Variants in CYRIA observed in about 807,000 individuals in gnomAD.
The protein encoded by CYRIA is CYFIP related Rac1 interactor A.
In CYRIA, 15 loss-of-function variants were observed where a neutral mutation model predicts 43.9. That is an observed-to-expected ratio of 0.34 (90% CI 0.23 to 0.53). The LOEUF (loss-of-function observed/expected upper bound fraction) is 0.53. CYRIA is among the 20% of genes least tolerant of loss of function. The pLI is 0.94. For synonymous variants in CYRIA, 117 were observed against 136.0 expected (o/e 0.86, Z 0.97); for missense variants, 236 against 394.2 (o/e 0.60, Z 3.40).
chr2:16,576,723 C>A (rs1231806506), intron 3 of CYRIA, among the ~76,000 whole-genome samples: 1 of 152,048 alleles, frequency 6.6e-6, no homozygotes, highest in Non-Finnish European at 1.5e-5. Context: ...GTAGAATACC[C>A]CTTTTATGAT....
intron 3 of CYRIA, among the ~76,000 whole-genome samples, chr2:16,583,438 G>A (rs1418347410): frequency 6.6e-6 from 1 of 152,166 alleles, no homozygotes; most frequent in Non-Finnish European, 1.5e-5. Flanking sequence ...ACCTGGAAAT[G>A]TGGGAAAAAT....
At chr2:16,572,058 A>T (rs1234244782) in intron 3 of CYRIA, among the ~76,000 whole-genome samples, 1 of 152,214 alleles carries the variant, frequency 6.6e-6, no homozygotes, top group African/African-American at 2.4e-5. Context: ...AAAGAGTAGG[A>T]GGGTCAAAGT....
intron 3 of CYRIA, among the ~76,000 whole-genome samples, chr2:16,572,384 A>G (rs1653966421): frequency 6.6e-6 from 1 of 151,610 alleles, no homozygotes; most frequent in South Asian, 2.1e-4. Context: ...ACTGCTTCCC[A>G]GGTATGTTCT....
chr2:16,566,747 C>T (rs752955877), intron 3 of CYRIA, among the ~76,000 whole-genome samples: 5 of 152,118 alleles, frequency 3.3e-5, no homozygotes, highest in Admixed American at 6.5e-5. Flanking sequence ...TTCTTGTTCC[C>T]GTGAGCATTT....
At chr2:16,630,048 G>T (rs930671822) in intron 1 of CYRIA, among the ~76,000 whole-genome samples, 4 of 152,148 alleles carry the variant, frequency 2.6e-5, no homozygotes, top group Admixed American at 2.6e-4. Context: ...GGTGATGATG[G>T]TGATGGGGCA....
chr2:16,563,932 C>T (rs960319556), intron 5 of CYRIA, 57 bp downstream of exon 5: 1 of 1,333,836 alleles, frequency 7.5e-7, no homozygotes, highest in Admixed American at 1.9e-5. Flanking sequence ...ACTACCTACT[C>T]AAACATCAAA....
intron 1 of CYRIA, among the ~76,000 whole-genome samples, chr2:16,646,667 A>G (rs1420488679): frequency 1.3e-5 from 2 of 152,220 alleles, no homozygotes; most frequent in African/African-American, 2.4e-5. Flanking sequence ...GTACCCAGAT[A>G]TTTGGTTAAA....
chr2:16,555,159 T>C lies in CYRIA; in HGVS notation c.838-20A>G, dbSNP rs764597200. The C allele has an allele frequency of 6.2e-7, 1 of 1,603,948 alleles. No homozygotes were observed. Among genetic ancestry groups the C allele is most frequent in the Non-Finnish European group, 8.5e-7 (1 of 1,174,026 alleles). The stretch of plus-strand genomic sequence containing the variant: ...TTTCATCTAGGAGGAGAAAGCACAA[T>C]GTTTGTTAATATCTTAGTAATACTG... On this transcript the variant is annotated intron_variant, in intron 10 of 11. Transcript: ENST00000381323.
At chr2:16,665,282 C>G (rs901832645) in intron 1 of CYRIA, among the ~76,000 whole-genome samples, 1 of 152,030 alleles carries the variant, frequency 6.6e-6, no homozygotes, top group Non-Finnish European at 1.5e-5. Flanking sequence ...GGCACAGCAG[C>G]TTTCTGGCTG....
intron 1 of CYRIA, among the ~76,000 whole-genome samples, chr2:16,646,917 A>G (rs567787473): frequency 6.6e-6 from 1 of 152,302 alleles, no homozygotes; most frequent in African/African-American, 2.4e-5. Context: ...GACTTATACC[A>G]TCAGCTCTCC....
Position 16,551,905 on chromosome 2 carries a change from G to A in CYRIA, c.*1031C>T, listed in dbSNP as rs1331162828. On this transcript the variant is annotated 3_prime_UTR_variant, in exon 12 of 12. Coordinates refer to ENST00000381323, the MANE Select transcript of CYRIA (RefSeq NM_030797.4). ...TTATATTGCAACAAGCTAGCAACGG[G>A]GTTGGGGAAGAGCTACTTTTTAAAA... 1 of 152,074 alleles carries A rather than the reference G, an allele frequency of 6.6e-6. No homozygotes were observed. 9.4% of individuals were successfully genotyped at this position (152,074 alleles called of 1,614,324 possible).
chr2:16,645,016 A>C (rs1349446014), intron 1 of CYRIA, among the ~76,000 whole-genome samples: 3 of 152,238 alleles, frequency 2.0e-5, no homozygotes, highest in Non-Finnish European at 4.4e-5. Context: ...ATCAGGAAAG[A>C]AAGCCTTGGG....
chr2:16,626,168 A>G (rs1438248225), intron 1 of CYRIA, among the ~76,000 whole-genome samples: 4 of 151,930 alleles, frequency 2.6e-5, no homozygotes, highest in African/African-American at 7.3e-5. Flanking sequence ...ACCGAATACC[A>G]CTTCTACTAA....
intron 2 of CYRIA, among the ~76,000 whole-genome samples, chr2:16,611,777 G>T (rs767924745): frequency 2.6e-5 from 4 of 152,090 alleles, no homozygotes; most frequent in East Asian, 1.9e-4. Flanking sequence ...GGGCGGAGGT[G>T]GGGGGGTGGT....
chr2:16,656,209 A>T (rs1333517162), intron 1 of CYRIA, among the ~76,000 whole-genome samples: 1 of 151,572 alleles, frequency 6.6e-6, no homozygotes, highest in Non-Finnish European at 1.5e-5. Flanking sequence ...CCACACACCC[A>T]CTCACAAACT....
intron 1 of CYRIA, among the ~76,000 whole-genome samples, chr2:16,653,248 C>T (rs573758573): frequency 6.6e-6 from 1 of 152,200 alleles, no homozygotes; most frequent in African/African-American, 2.4e-5. Flanking sequence ...GGCCTGCAAC[C>T]GGTCACTTGT....
rs139410901 is a variant in CYRIA at position 16,581,026 on chromosome 2, C to T, written c.70+7024G>A. 3.2e-3 allele frequency among the ~76,000 whole-genome samples: 488 copies of T among 152,240 alleles called. 2 individuals carry two copies. Among genetic ancestry groups the T allele is most frequent in the Non-Finnish European group, 5.2e-3 (354 of 67,986 alleles). On this transcript the variant is annotated intron_variant, in intron 3 of 11. Transcript: ENST00000381323. ...TTCAGAAGAAAACAAAGCAAAATAT[C>T]TTTGTGACCTTGGTATAGGTCATAA...
chr2:16,565,466 G>A (rs577863936), intron 4 of CYRIA, among the ~76,000 whole-genome samples, 180 bp downstream of exon 4: 6 of 152,290 alleles, frequency 3.9e-5, no homozygotes, highest in Admixed American at 2.6e-4. Flanking sequence ...GATTATAGGC[G>A]TGAGCCACCG....
chr2:16,616,063 AGTCTTTGTCAG>A (rs1558428290), intron 2 of CYRIA, among the ~76,000 whole-genome samples: 1 of 152,182 alleles, frequency 6.6e-6, no homozygotes, highest in Non-Finnish European at 1.5e-5. Flanking sequence ...AGAACAAGCC[AGTCTTTGTCAG>A]GTCCCTCAAG....
Sources: allele counts gnomAD v4.1 joint callset (sites outside exome capture counted in the v4.1 genomes callset), GRCh38; gene constraint gnomAD v4.1.1; transcripts MANE v1.5; gene names NCBI Gene and HGNC (gene_info 2026-07-23, HGNC 2026-07-21).